Variants in FBXL3 observed in about 807,000 individuals in gnomAD.
FBXL3 encodes F-box/LRR-repeat protein 3.
A neutral mutation model predicts 37.9 loss-of-function variants in FBXL3; 14 were observed. That is an observed-to-expected ratio of 0.37 (90% CI 0.24 to 0.58). FBXL3 has a LOEUF of 0.58. Ranked by LOEUF, FBXL3 falls within the 20% of genes least tolerant of loss-of-function variation. The probability of loss-of-function intolerance (pLI) is 0.74; values close to 1 mark genes in which losing one functional copy is unlikely to be tolerated. For synonymous variants in FBXL3, 194 were observed against 180.1 expected, an observed-to-expected ratio of 1.08 and a Z score of -0.62; for missense variants, 327 against 511.1, an observed-to-expected ratio of 0.64 and a Z score of 3.47.
intron 4 of FBXL3, chr13:77,010,078 GA>G (rs1474624264): frequency 6.6e-6 from 1 of 152,174 alleles, no homozygotes; most frequent in Non-Finnish European, 1.5e-5. Context: ...ACCGGGAGGG[GA>G]ACCTCACACG....
Position 77,006,721 on chromosome 13 carries a change from T to G in FBXL3, c.*424A>C. 1.9e-5 allele frequency: 14 copies of G among 729,404 alleles called. No individual in the cohort carries two copies. The highest frequency in any genetic ancestry group is 2.2e-5 in the Non-Finnish European group (13 of 594,042). The allele number at this position is 729,404 out of a possible 1,614,324, so 45.2% of individuals were successfully genotyped here. ...AAAATGCTCACTTTCCTGAGCTATATTAAACACCTTATAACAGGTGTATGT... is the reference window on the plus strand; with the variant it reads ...AAAATGCTCACTTTCCTGAGCTATAGTAAACACCTTATAACAGGTGTATGT... On this transcript the variant is annotated 3_prime_UTR_variant, in exon 5 of 5. Transcript: ENST00000355619.
At chr13:77,020,577 G>GACA (rs775406492) in intron 2 of FBXL3, among the ~76,000 whole-genome samples, 7,846 of 149,676 alleles carry the variant, frequency 0.052, 358 homozygotes, top group East Asian at 0.19. Context: ...AACTGCTTGT[G>GACA]TCCAGATAAA....
chr13:77,018,926 A>C, intron 2 of FBXL3: 1 of 413,976 alleles, frequency 2.4e-6, no homozygotes, highest in Non-Finnish European at 4.0e-6. Context: ...CTCACCTCCA[A>C]CTTGGCCTTT....
chr13:77,015,562 G>A lies in FBXL3; in HGVS notation c.490C>T (p.Leu164=), dbSNP rs1368660824. 3.8e-6 allele frequency: 6 copies of A among 1,562,090 alleles called. No homozygotes were observed. The African/African-American group carries it at 5.5e-5, about 14-fold the overall frequency. The part of the protein sequence containing the change: ...DLPKSHFISA[L]TVVFVNSKSL... Reference sequence around the variant, plus strand: ...TTGGAGTTTACGAACACAACTGTCAGTGCAGAGATAAAGTGAGACTGAAAA... The same window carrying A: ...TTGGAGTTTACGAACACAACTGTCAATGCAGAGATAAAGTGAGACTGAAAA... Residue 164 remains leucine (L), a synonymous_variant, in exon 4 of 5, where the codon CTG becomes TTG. Coordinates refer to ENST00000355619, the MANE Select transcript of FBXL3 (RefSeq NM_012158.4).
At chr13:77,018,032 T>C (rs549900687) in intron 3 of FBXL3, 2 of 151,392 alleles carry the variant, frequency 1.3e-5, no homozygotes, top group East Asian at 2.0e-4. Flanking sequence ...AAGAGAATAG[T>C]TGTGAGAGAG....
intron 4 of FBXL3, chr13:77,010,403 C>T (rs1046401076): frequency 2.6e-5 from 4 of 152,144 alleles, no homozygotes; most frequent in Non-Finnish European, 5.9e-5. Context: ...TAATGCCTAG[C>T]ATCTGTGAAT....
In FBXL3 at chr13:77,007,258, T is replaced by C. The variant is rs1431894670; in HGVS notation, c.1174A>G (p.Ile392Val). 11 of 1,614,034 alleles carry C rather than the reference T, an allele frequency of 6.8e-6. No individual in the cohort carries two copies. The African/African-American group carries it at 1.1e-4, about 16-fold the overall frequency. ...TCAGGAATTAGTACTTCTTCCATAA[T>C]GGATAATTGAGATAGGCGGCCACCA... The part of the protein sequence containing the change: ...MCGGRLSQLS[I>V]MEEVLIPDQK... The change falls in exon 5 of 5, where the codon ATT (isoleucine) becomes GTT (valine). Residue 392 changes from isoleucine to valine, a missense_variant. By Grantham distance (29) the Ile-to-Val change is conservative (BLOSUM62 3). Transcript: ENST00000355619.
intron 4 of FBXL3, chr13:77,014,535 AGAGAATGAGCAAGGAGACTTGG>A (rs1207898987): frequency 3.3e-5 from 5 of 152,218 alleles, no homozygotes; most frequent in African/African-American, 1.2e-4. Context: ...GTGGGAGAAA[AGAGAATGAGCAAGGAGACTTGG>A]GAGAATGAGC....
chr13:77,011,986 C>T (rs980709107), intron 4 of FBXL3, among the ~76,000 whole-genome samples: 5 of 152,184 alleles, frequency 3.3e-5, no homozygotes, highest in African/African-American at 1.2e-4. Context: ...CATAAATGTG[C>T]ACAGCAGCAT....
Position 77,015,596 on chromosome 13 carries a change from A to T in FBXL3, c.472-16T>A. 1.4e-6 allele frequency: 2 copies of T among 1,465,622 alleles called. No homozygotes were observed. Among genetic ancestry groups the T allele is most frequent in the South Asian group, 1.5e-5 (1 of 67,548 alleles). 90.8% of individuals were successfully genotyped at this position (1,465,622 alleles called of 1,614,324 possible). ...TAAAGTGAGACTGAAAAGCAAAAAA[A>T]ATAAAATAAAAATTATTTCAATTTT... On this transcript the variant is annotated splice_polypyrimidine_tract_variant and intron_variant, in intron 3 of 4. Transcript: ENST00000355619.
Position 77,007,796 on chromosome 13 carries a change from GA to G in FBXL3, c.644-9del, listed in dbSNP as rs757276072. 2.8e-4 allele frequency: 418 copies of G among 1,467,058 alleles called. No homozygotes were observed. Among genetic ancestry groups the G allele is most frequent in the South Asian group, 1.0e-3 (73 of 72,474 alleles). 90.9% of individuals were successfully genotyped at this position (1,467,058 alleles called of 1,614,324 possible). ...CAGCCACACAAAGGATACCTTGAAA[GA>G]AAAAAAAAATTATTTGCAAGTTTTT... On this transcript the variant is annotated splice_polypyrimidine_tract_variant and intron_variant, in intron 4 of 4. Transcript: ENST00000355619.
chr13:77,016,957 T>G (rs2034654278), intron 3 of FBXL3: 1 of 152,248 alleles, frequency 6.6e-6, no homozygotes, highest in Non-Finnish European at 1.5e-5. Context: ...CCTAATATTT[T>G]CATATCAAAC....
rs746664495 is a variant in FBXL3, at chr13:77,015,589, C to CA, written c.472-10dup. 33 of 1,468,496 alleles carry CA rather than the reference C, an allele frequency of 2.2e-5. No homozygotes were observed. The highest frequency in any genetic ancestry group is 1.2e-4 in the Admixed American group (5 of 40,884). The allele number at this position is 1,468,496 out of a possible 1,614,324, so 91.0% of individuals were successfully genotyped here. ...GCAGAGATAAAGTGAGACTGAAAAG[C>CA]AAAAAAAATAAAATAAAAATTATTT... On this transcript the variant is annotated splice_polypyrimidine_tract_variant and intron_variant, in intron 3 of 4. Transcript: ENST00000355619.
At chr13:77,026,752 C>A (rs1398902603) in intron 1 of FBXL3, 75 bp downstream of exon 1, 2 of 146,994 alleles carry the variant, frequency 1.4e-5, no homozygotes, top group South Asian at 2.1e-4. Flanking sequence ...CACCCCGGCC[C>A]GCCCACAGAC....
rs1478691164 is a variant in FBXL3 at position 77,011,695 on chromosome 13, C to T, written c.643+3714G>A. Among the ~76,000 whole-genome samples, 6 of 148,988 alleles carry T rather than the reference C, an allele frequency of 4.0e-5. No homozygotes were observed. In the East Asian group the frequency reaches 1.0e-3, roughly 25 times the overall value. On this transcript the variant is annotated intron_variant, in intron 4 of 4. Coordinates refer to ENST00000355619, the MANE Select transcript of FBXL3 (RefSeq NM_012158.4). ...CCAGGATCACGCCACTCCACTCCAGCCTGGGCGACAGAGTGAGACCCTGTC... is the reference window on the plus strand; with the variant it reads ...CCAGGATCACGCCACTCCACTCCAGTCTGGGCGACAGAGTGAGACCCTGTC...
chr13:77,012,667 A>C (rs1301531827), intron 4 of FBXL3: 1 of 152,266 alleles, frequency 6.6e-6, no homozygotes, highest in Non-Finnish European at 1.5e-5. Flanking sequence ...CCCTAATTTC[A>C]ACTTAGAGAA....
chr13:77,005,492 A>G lies in FBXL3; in HGVS notation c.*1653T>C, dbSNP rs1424864905. 1 of 152,590 alleles carries G rather than the reference A, an allele frequency of 6.6e-6. No homozygotes were observed. The highest frequency in any genetic ancestry group is 2.4e-5 in the African/African-American group (1 of 41,448). 9.5% of individuals were successfully genotyped at this position (152,590 alleles called of 1,614,324 possible). A position where few individuals can be genotyped will look rare whatever the true frequency, so the allele number is the denominator to read the frequency against. Reference sequence around the variant, plus strand: ...TTGTTCAAGGAAAAACAACAACTTGACTAGCACAGGTAATTCTTGTACAAT... The same window carrying G: ...TTGTTCAAGGAAAAACAACAACTTGGCTAGCACAGGTAATTCTTGTACAAT... On this transcript the variant is annotated 3_prime_UTR_variant, in exon 5 of 5. Transcript: ENST00000355619.
rs148458644 is a variant in FBXL3 at position 77,022,306 on chromosome 13, G to A, written c.-1-445C>T. On this transcript the variant is annotated intron_variant, in intron 1 of 4. Coordinates refer to ENST00000355619, the MANE Select transcript of FBXL3 (RefSeq NM_012158.4). Reference sequence around the variant, plus strand: ...CCAGGGTCCCAAGAACCTCCAGAGAGGATGTTCCACATTTAATAGTCTATA... The same window carrying A: ...CCAGGGTCCCAAGAACCTCCAGAGAAGATGTTCCACATTTAATAGTCTATA... Among the ~76,000 whole-genome samples, 311 of 152,294 alleles carry A rather than the reference G, an allele frequency of 2.0e-3. 1 individual carries two copies. The highest frequency in any genetic ancestry group is 6.7e-3 in the African/African-American group (278 of 41,548).
At chr13:77,015,974 CCA>C (rs2034635455) in intron 3 of FBXL3, 1 of 153,014 alleles carries the variant, frequency 6.5e-6, no homozygotes, top group Non-Finnish European at 1.5e-5. Context: ...ATAGTTATGA[CCA>C]CTAAATAGTA....
Sources: allele counts gnomAD v4.1 joint callset (sites outside exome capture counted in the v4.1 genomes callset), GRCh38; gene constraint gnomAD v4.1.1; transcripts MANE v1.5; gene names NCBI Gene and HGNC (gene_info 2026-07-23, HGNC 2026-07-21).